Variants in SLC22A7 observed in about 807,000 individuals in gnomAD.
SLC22A7 encodes hOAT2.
In SLC22A7, 48 loss-of-function variants were observed where a neutral mutation model predicts 62.2. That is an observed-to-expected ratio of 0.77 (90% CI 0.61 to 0.98). The LOEUF (loss-of-function observed/expected upper bound fraction) is 0.98. SLC22A7 is among the 50% of genes least tolerant of loss of function. The pLI is 0.00. For synonymous variants in SLC22A7, 276 were observed against 314.8 expected (o/e 0.88, Z 1.30); for missense variants, 581 against 703.8 (o/e 0.83, Z 1.97).
At chr6:43,300,435 A>C (rs1439711845) in intron 5 of SLC22A7, among the ~76,000 whole-genome samples, 1 of 151,902 alleles carries the variant, frequency 6.6e-6, no homozygotes, top group Non-Finnish European at 1.5e-5. Context: ...CCTAAAGATG[A>C]CTTGGCCTTG....
At position 43,299,314 on chromosome 6, in the gene SLC22A7, T is replaced by G; in HGVS notation, c.400-76T>G. 6.2e-7 allele frequency: 1 copy of G among 1,606,374 alleles called. No homozygotes were observed. Among genetic ancestry groups the G allele is most frequent in the Non-Finnish European group, 8.5e-7 (1 of 1,175,680 alleles). Reference sequence around the variant, plus strand: ...GAGTTCGCCTCAGAAGGCTCCAGGGTCTGGAGAGGAGGAGCTGGTGCCTGC... The same window carrying G: ...GAGTTCGCCTCAGAAGGCTCCAGGGGCTGGAGAGGAGGAGCTGGTGCCTGC... On this transcript the variant is annotated intron_variant, in intron 2 of 10. Coordinates refer to ENST00000372585, the MANE Select transcript of SLC22A7 (RefSeq NM_153320.2). This position sits in a 1 kb window ranked among gnomAD's most constrained non-coding sequence, Gnocchi z 4.4.
chr6:43,300,410 G>A (rs1363705591), intron 5 of SLC22A7, among the ~76,000 whole-genome samples: 2 of 152,060 alleles, frequency 1.3e-5, no homozygotes, highest in Admixed American at 6.5e-5. Flanking sequence ...AGGCAGGGTG[G>A]GCACTACATT....
intron 5 of SLC22A7, 39 bp from the exon 6 acceptor site, chr6:43,301,096 C>A: frequency 1.2e-6 from 2 of 1,613,426 alleles, no homozygotes; most frequent in South Asian, 2.2e-5. Context: ...GGCTTAGGGT[C>A]ATGACTTTCT....
intron 5 of SLC22A7, among the ~76,000 whole-genome samples, chr6:43,300,458 G>A (rs1778701650): frequency 6.6e-6 from 1 of 152,022 alleles, no homozygotes; most frequent in Admixed American, 6.6e-5. Flanking sequence ...TGACCCTTCT[G>A]GATATGTCTA....
chr6:43,301,787 G>C (rs1329570508), intron 7 of SLC22A7, 95 bp downstream of exon 7: 8 of 840,212 alleles, frequency 9.5e-6, no homozygotes, highest in Non-Finnish European at 1.5e-5. Flanking sequence ...TGAGGGACAA[G>C]TAGAGTGTCA....
At chr6:43,296,014 TC>T (rs1778559448), upstream of SLC22A7, among the ~76,000 whole-genome samples, 1 of 152,226 alleles carries the variant, frequency 6.6e-6, no homozygotes, top group African/African-American at 2.4e-5. Context: ...CAAGCAATTC[TC>T]CTGCCTCAGC....
At chr6:43,300,890 G>A (rs1381963403) in intron 5 of SLC22A7, among the ~76,000 whole-genome samples, 3 of 152,172 alleles carry the variant, frequency 2.0e-5, no homozygotes, top group African/African-American at 7.2e-5. Flanking sequence ...CTCCCGCCTT[G>A]ACCTCCAAAA....
At position 43,302,294 on chromosome 6, in the gene SLC22A7, G is replaced by T; in HGVS notation, c.1156G>T (p.Glu386Ter). ...GACACAGCTGTTGTTCGGGGCTGTG[G>T]AACTGCCCTCCAAGCTGCTGGTCTA... ...YQTQLLFGAV[E>*]LPSKLLVYLS... The change falls in exon 8 of 11, where the codon GAA becomes TAA. Residue 386 changes from glutamate (E) to a stop codon, truncating the protein, a stop_gained. Coordinates refer to ENST00000372585, the MANE Select transcript of SLC22A7 (RefSeq NM_153320.2). LOFTEE classifies it high-confidence loss of function. The surrounding 1 kb of genome is among the most constrained non-coding windows in gnomAD (Gnocchi z 5.0). 6.2e-7 allele frequency: 1 copy of T among 1,613,978 alleles called. No homozygotes were observed. Among genetic ancestry groups the T allele is most frequent in the Non-Finnish European group, 8.5e-7 (1 of 1,179,966 alleles).
At position 43,304,748 on chromosome 6, in the gene SLC22A7, C is replaced by T. The variant is rs1778882942; in HGVS notation, c.*23C>T. The T allele has an allele frequency of 1.3e-6, 2 of 1,534,044 alleles. No individual in the cohort carries two copies. The highest frequency in any genetic ancestry group is 1.9e-5 in the Admixed American group (1 of 52,462). On this transcript the variant is annotated 3_prime_UTR_variant, in exon 11 of 11. Transcript: ENST00000372585. ...TAAGTGGGAGTGGAGGCAGGCCCTC[C>T]ACAGAAGCTCTGCAGCAGGGGCTGG...
In SLC22A7 at chr6:43,298,642, G is replaced by C; in HGVS notation, c.284G>C (p.Gly95Ala). ...YPQALPNTTL[G>A]EERQSRGELE... ...CAGGCTCTCCCCAACACCACGTTGGGGGAAGAAAGGCAGAGCCGTGGGGAG... is the reference window on the plus strand; with the variant it reads ...CAGGCTCTCCCCAACACCACGTTGGCGGAAGAAAGGCAGAGCCGTGGGGAG... The change falls in exon 1 of 11, where the codon GGG becomes GCG. Residue 95 changes from glycine (G) to alanine (A), a missense_variant. Physicochemically the swap from Gly to Ala is moderately conservative, Grantham distance 60 (BLOSUM62 0). Transcript: ENST00000372585. 2 of 1,587,490 alleles carry C rather than the reference G, an allele frequency of 1.3e-6. No homozygotes were observed. Among genetic ancestry groups the C allele is most frequent in the East Asian group, 2.2e-5 (1 of 44,618 alleles).
Position 43,304,132 on chromosome 6 carries a change from C to A in SLC22A7, c.1480C>A (p.Pro494Thr). 1 of 1,608,238 alleles carries A rather than the reference C, an allele frequency of 6.2e-7. No homozygotes were observed. The highest frequency in any genetic ancestry group is 2.2e-5 in the East Asian group (1 of 44,546). Residue 494 changes from proline (P) to threonine (T), a missense_variant, in exon 10 of 11, where the codon CCC becomes ACC. Coordinates refer to ENST00000372585, the MANE Select transcript of SLC22A7 (RefSeq NM_153320.2). Reference sequence around the variant, plus strand: ...GCTGGATGGAGTGTGGCTGTCACTGCCCAAGCTTACTTATGGGGGGATCGC... The same window carrying A: ...GCTGGATGGAGTGTGGCTGTCACTGACCAAGCTTACTTATGGGGGGATCGC... ...ALLDGVWLSL[P>T]KLTYGGIALL...
upstream of SLC22A7, among the ~76,000 whole-genome samples, chr6:43,296,056 C>T (rs1322440773): frequency 6.6e-6 from 1 of 152,206 alleles, no homozygotes; most frequent in Non-Finnish European, 1.5e-5. Context: ...CAGGCGCTTG[C>T]CCCCATGTCC....
rs1220162932 is a variant in SLC22A7, at chr6:43,298,318, T to C, written c.-41T>C. 1 of 1,555,992 alleles carries C rather than the reference T, an allele frequency of 6.4e-7. No individual in the cohort carries two copies. Among genetic ancestry groups the C allele is most frequent in the Admixed American group, 1.7e-5 (1 of 57,730 alleles). On this transcript the variant is annotated 5_prime_UTR_variant, in exon 1 of 11. Transcript: ENST00000372585. ...TGGGCAGTTTGAGCTGGCTGGATAC[T>C]AGAGGGAGGCTGCACCTGAAGCATT...
rs1465008300 is a variant in SLC22A7, at chr6:43,299,511, G to A, written c.503+18G>A. 1.9e-6 allele frequency: 3 copies of A among 1,607,504 alleles called. No homozygotes were observed. The highest frequency in any genetic ancestry group is 3.3e-4 in the Middle Eastern group (2 of 6,028). On this transcript the variant is annotated intron_variant, in intron 3 of 10. Transcript: ENST00000372585. The surrounding 1 kb of genome is among the most constrained non-coding windows in gnomAD (Gnocchi z 4.4). Reference sequence around the variant, plus strand: ...TCCGACAGGTGGGGTGAGGCACTGGGCCAATAAGAAACTGGCTGGGGGAAC... The same window carrying A: ...TCCGACAGGTGGGGTGAGGCACTGGACCAATAAGAAACTGGCTGGGGGAAC...
At position 43,298,467 on chromosome 6, in the gene SLC22A7, C is replaced by G; in HGVS notation, c.109C>G (p.Leu37Val). 6.2e-7 allele frequency: 1 copy of G among 1,613,856 alleles called. No individual in the cohort carries two copies. The highest frequency in any genetic ancestry group is 8.5e-7 in the Non-Finnish European group (1 of 1,180,044). The change falls in exon 1 of 11, where the codon CTG (leucine) becomes GTG (valine). Residue 37 changes from leucine (L) to valine (V), a missense_variant. Coordinates refer to ENST00000372585, the MANE Select transcript of SLC22A7 (RefSeq NM_153320.2). ...AGTGCTGCTACCACTGCACTTCCTC[C>G]TGCCCATCTTCCTGGCTGCCGTGCC... ...PRVLLPLHFL[L>V]PIFLAAVPAH...
intron 6 of SLC22A7, 52 bp downstream of exon 6, chr6:43,301,310 G>A (rs1010444600): frequency 2.1e-5 from 33 of 1,607,270 alleles, no homozygotes; most frequent in Non-Finnish European, 2.6e-5. Flanking sequence ...GTGGGGAGTG[G>A]GCTGTGTCAA....
At position 43,302,202 on chromosome 6, in the gene SLC22A7, T is replaced by C. The variant is rs1212773703; in HGVS notation, c.1064T>C (p.Phe355Ser). Reference sequence around the variant, plus strand: ...AGTGGCACTGAGACTCCTTTCAGGTTCGGAGTGAACTTCTCCTATTACGGC... The same window carrying C: ...AGTGGCACTGAGACTCCTTTCAGGTCCGGAGTGAACTTCTCCTATTACGGC... ...HISLCCVVVW[F>S]GVNFSYYGLS... Residue 355 changes from phenylalanine (F) to serine (S), a missense_variant and splice_region_variant, in exon 8 of 11, where the codon TTC becomes TCC. Phe to Ser is a radical substitution (Grantham distance 155, BLOSUM62 -2). Transcript: ENST00000372585. The surrounding 1 kb of genome is among the most constrained non-coding windows in gnomAD (Gnocchi z 5.0). 6.4e-7 allele frequency: 1 copy of C among 1,570,878 alleles called. No individual in the cohort carries two copies. Among genetic ancestry groups the C allele is most frequent in the Non-Finnish European group, 8.7e-7 (1 of 1,153,096 alleles).
intron 1 of SLC22A7, 96 bp from the exon 2 acceptor site, chr6:43,298,996 C>A (rs1036492173): frequency 7.7e-7 from 1 of 1,300,604 alleles, no homozygotes. Flanking sequence ...GCTAAAGTGG[C>A]TTCAGGGAGT....
In SLC22A7 at chr6:43,298,488, G is replaced by C; in HGVS notation, c.130G>C (p.Val44Leu). 6.2e-7 allele frequency: 1 copy of C among 1,613,460 alleles called. No individual in the cohort carries two copies. Among genetic ancestry groups the C allele is most frequent in the Non-Finnish European group, 8.5e-7 (1 of 1,180,004 alleles). ...CCTCCTGCCCATCTTCCTGGCTGCC[G>C]TGCCTGCCCACCGATGTGCCCTGCC... ...HFLLPIFLAA[V>L]PAHRCALPGA... is the part of the protein sequence containing the mutation. Residue 44 changes from valine (V) to leucine (L), a missense_variant, in exon 1 of 11, where the codon GTG becomes CTG. Transcript: ENST00000372585.
Sources: gnomAD v4.1 joint callset for allele counts (sites outside exome capture counted in the v4.1 genomes callset) on GRCh38, gnomAD v4.1.1 for gene constraint, Gnocchi (gnomAD v3.1) non-coding constraint, MANE v1.5 for transcripts, NCBI Gene and HGNC (gene_info 2026-07-23, HGNC 2026-07-21) for gene names.